HMGB3: variants seen among roughly 807,000 people sequenced by gnomAD.
The protein encoded by HMGB3 is high mobility group protein B3.
Under a neutral mutation model 12.9 loss-of-function variants are expected in HMGB3, and 1 was observed. That is an observed-to-expected ratio of 0.08 (90% CI 0.03 to 0.37). HMGB3 has a LOEUF of 0.37. Ranked by LOEUF, HMGB3 falls within the 10% of genes least tolerant of loss-of-function variation. The pLI, the probability that HMGB3 is intolerant of heterozygous loss-of-function variation, is 0.99. For missense variants in HMGB3, 74 were observed against 153.3 expected (o/e 0.48, Z 2.73); for synonymous variants, 61 against 53.9 (o/e 1.13, Z -0.57).
At chrX:150,982,435 CCATT>C (rs781988248), upstream of HMGB3, among the ~76,000 whole-genome samples, 4 of 112,265 alleles carry the variant, frequency 3.6e-5, no homozygotes, top group Non-Finnish European at 7.5e-5. Flanking sequence ...AAGTCAAATC[CCATT>C]CATTCATTCA....
At chrX:150,984,322 C>CGGGCG (rs1257232474) in intron 1 of HMGB3, among the ~76,000 whole-genome samples, 34 of 62,036 alleles carry the variant, frequency 5.5e-4, no homozygotes, top group Middle Eastern at 8.5e-3. Flanking sequence ...CCGGGCGGCC[C>CGGGCG]GGGCGGGGCG....
intron 3 of HMGB3, among the ~76,000 whole-genome samples, 165 bp downstream of exon 3, chrX:150,986,355 T>C (rs2124447776): frequency 9.1e-6 from 1 of 109,919 alleles, no homozygotes; most frequent in East Asian, 2.9e-4. Context: ...GGCTTTACGA[T>C]GCAGTGCCAG....
chrX:150,983,267 CA>C (rs2048004399), upstream of HMGB3: 2 of 753,392 alleles, frequency 2.7e-6, no homozygotes, highest in Non-Finnish European at 3.1e-6. Context: ...TTTTAAACGG[CA>C]GAGCCCGCTG....
chrX:150,983,806 G>T (rs2048015896), intron 1 of HMGB3, among the ~76,000 whole-genome samples: 1 of 106,594 alleles, frequency 9.4e-6, no homozygotes, highest in African/African-American at 3.3e-5. Flanking sequence ...AAGGGGGCCG[G>T]GAGTTCCCCG....
upstream of HMGB3, chrX:150,983,326 C>T (rs2048005141): frequency 1.2e-5 from 9 of 753,782 alleles, no homozygotes; most frequent in South Asian, 4.5e-4. Context: ...GGCTGGGGAG[C>T]GCTGAGCCGC....
At chrX:150,985,214 A>AAGCTTCTATCACCCCC (rs1462982994) in intron 1 of HMGB3, among the ~76,000 whole-genome samples, 3 of 111,692 alleles carry the variant, frequency 2.7e-5, no homozygotes, top group African/African-American at 9.8e-5. Flanking sequence ...CATAGATTTC[A>AAGCTTCTATCACCCCC]AGCTTCTATC....
chrX:150,983,950 T>G lies in HMGB3; in HGVS notation c.-6+574T>G, dbSNP rs1174691502. Among the ~76,000 whole-genome samples, 5 of 104,398 alleles carry G rather than the reference T, an allele frequency of 4.8e-5. No individual in the cohort carries two copies. The East Asian group carries it at 1.3e-3, about 27-fold the overall frequency. 90.7% of individuals were successfully genotyped at this position (104,398 alleles called of 115,157 possible). A position where few individuals can be genotyped will look rare whatever the true frequency, so the allele number is the denominator to read the frequency against. Reference sequence around the variant, plus strand: ...CCCGGCGCCGCGCGGGCCCGCAGGCTACGCCGCTGGCTCTGCGTTAACATG... The same window carrying G: ...CCCGGCGCCGCGCGGGCCCGCAGGCGACGCCGCTGGCTCTGCGTTAACATG... On this transcript the variant is annotated intron_variant, in intron 1 of 4. Transcript: ENST00000325307.
chrX:150,988,616 CTTCAT>C lies in HMGB3; in HGVS notation c.*704_*708del. On this transcript the variant is annotated 3_prime_UTR_variant, in exon 5 of 5. Transcript: ENST00000325307. Reference sequence around the variant, plus strand: ...TTGTTTTTAAACAAACTATAGAACTCTTCATTGTCAGCAAAGCAAAGAGTCACTGC... The same window carrying C: ...TTGTTTTTAAACAAACTATAGAACTCTGTCAGCAAAGCAAAGAGTCACTGC... 8.9e-6 allele frequency: 1 copy of C among 111,932 alleles called. No individual in the cohort carries two copies. Among genetic ancestry groups the C allele is most frequent in the Non-Finnish European group, 1.9e-5 (1 of 53,173 alleles). The allele number at this position is 111,932 out of a possible 1,213,427, so 9.2% of individuals were successfully genotyped here. A position where few individuals can be genotyped will look rare whatever the true frequency, so the allele number is the denominator to read the frequency against.
At chrX:150,983,160 C>G, upstream of HMGB3, 1 of 398,920 alleles carries the variant, frequency 2.5e-6, no homozygotes, top group Non-Finnish European at 3.2e-6. Flanking sequence ...GCGGGTCGTT[C>G]TGTTTGAATG....
At chrX:150,987,656 A>G in intron 4 of HMGB3, 121 bp from the exon 5 acceptor site, 1 of 552,834 alleles carries the variant, frequency 1.8e-6, no homozygotes, top group Non-Finnish European at 2.9e-6. Flanking sequence ...GATATATATG[A>G]TAGCAGCACT....
rs1443466650 is a variant in HMGB3, at chrX:150,988,651, A to G, written c.*737A>G. 1 of 112,477 alleles carries G rather than the reference A, an allele frequency of 8.9e-6. No individual in the cohort carries two copies. Among genetic ancestry groups the G allele is most frequent in the Non-Finnish European group, 1.9e-5 (1 of 53,299 alleles). 9.3% of individuals were successfully genotyped at this position (112,477 alleles called of 1,213,427 possible). A position where few individuals can be genotyped will look rare whatever the true frequency, so the allele number is the denominator to read the frequency against. On this transcript the variant is annotated 3_prime_UTR_variant, in exon 5 of 5. Transcript: ENST00000325307. ...AGCAAAGCAAAGAGTCACTGCATCAATGAAAGTTCAAGAACCTCCTGTACT... is the reference window on the plus strand; with the variant it reads ...AGCAAAGCAAAGAGTCACTGCATCAGTGAAAGTTCAAGAACCTCCTGTACT...
At chrX:150,983,100 G>A (rs916255462), upstream of HMGB3, among the ~76,000 whole-genome samples, 11 of 112,941 alleles carry the variant, frequency 9.7e-5, no homozygotes, top group Admixed American at 1.0e-3. Flanking sequence ...TGGGCGGGGC[G>A]GGCAGGCGAG....
chrX:150,984,473 C>G (rs1477466132), intron 1 of HMGB3: 10 of 133,611 alleles, frequency 7.5e-5, no homozygotes, highest in Admixed American at 6.8e-4. Flanking sequence ...GCGGCGGACG[C>G]CGCCACCAGT....
intron 2 of HMGB3, 93 bp from the exon 3 acceptor site, chrX:150,985,957 CA>C (rs1383620232): frequency 9.0e-6 from 9 of 999,496 alleles, no homozygotes; most frequent in Non-Finnish European, 1.2e-5. Flanking sequence ...CCCCCTTTTG[CA>C]AGTGGTTCTA....
chrX:150,986,328 A>C (rs1273716723), intron 3 of HMGB3, 138 bp downstream of exon 3: 7 of 469,755 alleles, frequency 1.5e-5, no homozygotes, highest in Non-Finnish European at 2.4e-5. Context: ...ATACCTCTGC[A>C]AACCATTCTG....
intron 4 of HMGB3, 36 bp from the exon 5 acceptor site, chrX:150,987,741 C>G: frequency 8.9e-7 from 1 of 1,122,495 alleles, no homozygotes; most frequent in Non-Finnish European, 1.2e-6. Context: ...TTAAAACAGC[C>G]GCATACTCAT....
chrX:150,984,499 G>A (rs1286404794), intron 1 of HMGB3: 1 of 210,415 alleles, frequency 4.8e-6, no homozygotes, highest in African/African-American at 3.1e-5. Context: ...GGCTGCCGCC[G>A]GCCCGGCCGC....
chrX:150,987,648 T>C, intron 4 of HMGB3, 129 bp from the exon 5 acceptor site: 1 of 529,433 alleles, frequency 1.9e-6, no homozygotes, highest in East Asian at 3.3e-5. Flanking sequence ...ACACTTCAGA[T>C]ATATATGATA....
chrX:150,990,518 C>G lies in HMGB3; in HGVS notation c.*2604C>G, dbSNP rs1408863771. The G allele has an allele frequency of 9.2e-6, 1 of 108,914 alleles. No homozygotes were observed. The highest frequency in any genetic ancestry group is 1.9e-5 in the Non-Finnish European group (1 of 52,577). 9.0% of individuals were successfully genotyped at this position (108,914 alleles called of 1,213,427 possible). ...AGGCTTAGCTTGATTTCTGGGCCCA[C>G]TGTCTGTGTTCTTAAGATGCCAACC... On this transcript the variant is annotated 3_prime_UTR_variant, in exon 5 of 5. Coordinates refer to ENST00000325307, the MANE Select transcript of HMGB3 (RefSeq NM_005342.4).
Sources: gnomAD v4.1 joint callset for allele counts (sites outside exome capture counted in the v4.1 genomes callset) on GRCh38, gnomAD v4.1.1 for gene constraint, MANE v1.5 for transcripts, NCBI Gene and HGNC (gene_info 2026-07-23, HGNC 2026-07-21) for gene names.